TNFRSF10B: variants seen among roughly 807,000 people sequenced by gnomAD.
TNFRSF10B encodes the protein TNF receptor superfamily member 10b.
A neutral mutation model predicts 41.4 loss-of-function variants in TNFRSF10B; 35 were observed. The observed-to-expected ratio is 0.85, with a 90% confidence interval of 0.65 to 1.12. The LOEUF is 1.12. Ranked by LOEUF, TNFRSF10B falls within the 50% of genes most tolerant of loss-of-function variation. The probability of loss-of-function intolerance (pLI) is 0.00; values close to 1 mark genes in which losing one functional copy is unlikely to be tolerated. For missense variants in TNFRSF10B, 584 were observed against 552.7 expected, an observed-to-expected ratio of 1.06 and a Z score of -0.57; for synonymous variants, 230 against 215.5, an observed-to-expected ratio of 1.07 and a Z score of -0.59.
rs1326539548 is a variant in TNFRSF10B at position 23,030,751 on chromosome 8, T to C, written c.364+8A>G. The C allele has an allele frequency of 6.2e-7, 1 of 1,606,834 alleles. No homozygotes were observed. The highest frequency in any genetic ancestry group is 1.1e-5 in the South Asian group (1 of 90,140). ...CACCTTTAGGCATGGGGTCCATATG[T>C]TCTGTACCTGAATCACACCTGGTGC... On this transcript the variant is annotated splice_region_variant and intron_variant, in intron 3 of 8. Coordinates refer to ENST00000276431, the MANE Select transcript of TNFRSF10B (RefSeq NM_003842.5).
At chr8:23,029,490 G>A (rs986593023) in intron 4 of TNFRSF10B, 120 bp downstream of exon 4, 21 of 954,832 alleles carry the variant, frequency 2.2e-5, no homozygotes, top group Non-Finnish European at 2.9e-5. Context: ...ACCAGGAGGG[G>A]CAGCCACAGC....
At chr8:23,027,799 A>G in intron 5 of TNFRSF10B, 46 bp from the exon 6 acceptor site, 1 of 1,612,980 alleles carries the variant, frequency 6.2e-7, no homozygotes, top group Non-Finnish European at 8.5e-7. Flanking sequence ...GGGCCCATGA[A>G]GCACCCCCCT....
chr8:23,044,954 GC>G, intron 1 of TNFRSF10B, among the ~76,000 whole-genome samples: 1 of 150,582 alleles, frequency 6.6e-6, no homozygotes, highest in Non-Finnish European at 1.5e-5. Context: ...AGTGGCTCAT[GC>G]CTATAATCCC....
At chr8:23,029,986 G>A (rs527851817) in intron 3 of TNFRSF10B, among the ~76,000 whole-genome samples, 16 of 152,320 alleles carry the variant, frequency 1.1e-4, no homozygotes, top group Middle Eastern at 3.4e-3. Context: ...GACAAGCATC[G>A]TTTAGATTGC....
At chr8:23,064,179 G>C (rs1395981635) in intron 1 of TNFRSF10B, among the ~76,000 whole-genome samples, 1 of 152,206 alleles carries the variant, frequency 6.6e-6, no homozygotes, top group Non-Finnish European at 1.5e-5. Context: ...GGGCTGCCCA[G>C]GCAGAGGTGA....
chr8:23,025,154 A>C (rs1239307315), intron 7 of TNFRSF10B, among the ~76,000 whole-genome samples: 2 of 152,140 alleles, frequency 1.3e-5, no homozygotes, highest in Non-Finnish European at 2.9e-5. Flanking sequence ...CCATCTCAGA[A>C]AGAAAGAAAA....
In TNFRSF10B at chr8:23,028,328, T is replaced by A. The variant is rs954905113; in HGVS notation, c.748+3A>T. The A allele has an allele frequency of 3.1e-6, 5 of 1,613,970 alleles. No homozygotes were observed. In the African/African-American group the frequency reaches 5.3e-5, roughly 17 times the overall value. ...TGTGCCCCCGCCCTCAGCCAGCACC[T>A]ACCTGAGCAGATGCCTTTCAGGTAA... On this transcript the variant is annotated splice_donor_region_variant and intron_variant, in intron 5 of 8. Coordinates refer to ENST00000276431, the MANE Select transcript of TNFRSF10B (RefSeq NM_003842.5).
chr8:23,021,937 T>C lies in TNFRSF10B; in HGVS notation c.*734A>G, dbSNP rs1211577211. 4 of 452,930 alleles carry C rather than the reference T, an allele frequency of 8.8e-6. No homozygotes were observed. The highest frequency in any genetic ancestry group is 6.9e-5 in the East Asian group (1 of 14,408). 28.1% of individuals were successfully genotyped at this position (452,930 alleles called of 1,614,324 possible). A position where few individuals can be genotyped will look rare whatever the true frequency, so the allele number is the denominator to read the frequency against. On this transcript the variant is annotated 3_prime_UTR_variant, in exon 9 of 9. Coordinates refer to ENST00000276431, the MANE Select transcript of TNFRSF10B (RefSeq NM_003842.5). ...ATTTACTAAAGTTTCTTCATGTTCA[T>C]AAAATAATAACATACAGAATTATAA...
In TNFRSF10B at chr8:23,068,976, G is replaced by T. The variant is rs1209050984; in HGVS notation, c.-82C>A. 2.5e-6 allele frequency: 4 copies of T among 1,608,288 alleles called. No homozygotes were observed. Among genetic ancestry groups the T allele is most frequent in the Non-Finnish European group, 3.4e-6 (4 of 1,177,420 alleles). ...AGATCGGGCATCGTCGGTGTATTTT[G>T]TGGGCGCAGAGATTGCGGGGTTCTC... On this transcript the variant is annotated 5_prime_UTR_variant, in exon 1 of 9. Transcript: ENST00000276431.
intron 1 of TNFRSF10B, among the ~76,000 whole-genome samples, chr8:23,045,480 G>A (rs999949760): frequency 1.3e-5 from 2 of 152,112 alleles, no homozygotes; most frequent in Non-Finnish European, 2.9e-5. Context: ...GACCCAGAAG[G>A]CTTCACTGCT....
At chr8:23,025,850 T>C (rs1472848112) in intron 7 of TNFRSF10B, among the ~76,000 whole-genome samples, 1 of 152,080 alleles carries the variant, frequency 6.6e-6, no homozygotes, top group South Asian at 2.1e-4. Flanking sequence ...CCAAGGAGGG[T>C]GGATTGCCTG....
chr8:23,032,158 C>T (rs1014686729), intron 2 of TNFRSF10B, among the ~76,000 whole-genome samples: 1 of 152,100 alleles, frequency 6.6e-6, no homozygotes, highest in African/African-American at 2.4e-5. Context: ...ACCTGCCTCA[C>T]ATATTTCAAG....
chr8:23,037,298 C>T (rs1035104326), intron 2 of TNFRSF10B, among the ~76,000 whole-genome samples: 3 of 152,146 alleles, frequency 2.0e-5, no homozygotes, highest in Non-Finnish European at 2.9e-5. Flanking sequence ...GCCAACCTGG[C>T]TACAGCTGCT....
chr8:23,032,527 C>T (rs59656228), intron 2 of TNFRSF10B, among the ~76,000 whole-genome samples: 7 of 152,178 alleles, frequency 4.6e-5, no homozygotes, highest in East Asian at 1.9e-4. Context: ...TAATTCCATA[C>T]GACTTTGAAT....
At chr8:23,062,895 C>G (rs959610192) in intron 1 of TNFRSF10B, among the ~76,000 whole-genome samples, 1 of 152,202 alleles carries the variant, frequency 6.6e-6, no homozygotes, top group Admixed American at 6.5e-5. Flanking sequence ...ACTACTCATT[C>G]TTTCTGCTAT....
At chr8:23,050,049 T>C (rs776333492) in intron 1 of TNFRSF10B, 29 of 152,228 alleles carry the variant, frequency 1.9e-4, no homozygotes, top group Non-Finnish European at 4.3e-4. Flanking sequence ...CTTTCTCTAC[T>C]GGGGAAGAAC....
At chr8:23,067,630 C>G (rs965624324) in intron 1 of TNFRSF10B, among the ~76,000 whole-genome samples, 1 of 152,134 alleles carries the variant, frequency 6.6e-6, no homozygotes, top group African/African-American at 2.4e-5. Flanking sequence ...ACTCTCCTCA[C>G]TAGGACAGTT....
rs1278343694 is a variant in TNFRSF10B at position 23,027,219 on chromosome 8, C to T, written c.850G>A (p.Val284Ile). 1.2e-6 allele frequency: 2 copies of T among 1,614,078 alleles called. No individual in the cohort carries two copies. The highest frequency in any genetic ancestry group is 3.3e-5 in the Admixed American group (2 of 60,004). The change falls in exon 7 of 9, where the codon GTC becomes ATC. Residue 284 changes from valine to isoleucine, a missense_variant. Transcript: ENST00000276431. ...TGGACTTCCATTTCCTGCTCAGGGA[C>T]CTGGGTGGGCTGCAAGATACTCACG... Reference protein sequence around the residue: ...EIVSILQPTQVPEQEMEVQEP... With the variant: ...EIVSILQPTQIPEQEMEVQEP...
chr8:23,028,130 G>A, intron 5 of TNFRSF10B: 1 of 687,882 alleles, frequency 1.5e-6, no homozygotes, highest in East Asian at 2.8e-5. Flanking sequence ...GGGACCCCCA[G>A]ACCTGGGAGA....
Sources: gnomAD v4.1 joint callset for allele counts (sites outside exome capture counted in the v4.1 genomes callset) on GRCh38, gnomAD v4.1.1 for gene constraint, MANE v1.5 for transcripts, NCBI Gene and HGNC (gene_info 2026-07-23, HGNC 2026-07-21) for gene names.